HIPK1: variants seen among roughly 807,000 people sequenced by gnomAD.
HIPK1 encodes the protein homeodomain-interacting protein kinase 1.
In HIPK1, 28 loss-of-function variants were observed where a neutral mutation model predicts 117.1. The observed-to-expected ratio is 0.24, with a 90% confidence interval of 0.18 to 0.33. The LOEUF (loss-of-function observed/expected upper bound fraction) is 0.33. HIPK1 is among the 10% of genes least tolerant of loss of function. The pLI is 1.00. For missense variants in HIPK1, 1,122 were observed against 1,475.1 expected (o/e 0.76, Z 3.92); for synonymous variants, 605 against 562.5 (o/e 1.08, Z -1.07).
At chr1:113,943,275 A>C (rs1256237985) in intron 2 of HIPK1, among the ~76,000 whole-genome samples, 1 of 152,222 alleles carries the variant, frequency 6.6e-6, no homozygotes, top group Non-Finnish European at 1.5e-5. Flanking sequence ...ACCATTAAGC[A>C]ATAACTCCCT....
chr1:113,939,088 C>A (rs1670469201), intron 1 of HIPK1, among the ~76,000 whole-genome samples: 1 of 151,898 alleles, frequency 6.6e-6, no homozygotes, highest in South Asian at 2.1e-4. Context: ...TTATTTAATT[C>A]TCAGAACAAC....
chr1:113,944,139 T>A (rs1670825152), intron 2 of HIPK1, among the ~76,000 whole-genome samples: 1 of 151,564 alleles, frequency 6.6e-6, no homozygotes, highest in African/African-American at 2.4e-5. Context: ...CTTGTTTTGT[T>A]TTTTAAATAA....
In HIPK1 at chr1:113,954,735, G is replaced by T; in HGVS notation, c.1285G>T (p.Asp429Tyr). The T allele has an allele frequency of 1.9e-6, 3 of 1,614,068 alleles. No individual in the cohort carries two copies. The highest frequency in any genetic ancestry group is 2.5e-6 in the Non-Finnish European group (3 of 1,179,954). Residue 429 changes from aspartate to tyrosine, a missense_variant, in exon 4 of 16, where the codon GAT (aspartate) becomes TAT (tyrosine). Asp to Tyr is a radical substitution (Grantham distance 160). This residue lies in a region of HIPK1 where 127 missense variants were observed against 197.9 expected (regional missense o/e 0.64). Transcript: ENST00000426820. ...AAAAACAACCAGGTTTTTCAACAGA[G>T]ATCCTAATTTGGGGTACCCACTGTG... The part of the protein sequence containing the change: ...GTKTTRFFNR[D>Y]PNLGYPLWRL...
At chr1:113,964,008 T>G (rs1672295988) in intron 10 of HIPK1, among the ~76,000 whole-genome samples, 1 of 152,226 alleles carries the variant, frequency 6.6e-6, no homozygotes, top group Non-Finnish European at 1.5e-5. Flanking sequence ...TTCTAAAACT[T>G]TTCTGCATGT....
intron 2 of HIPK1, among the ~76,000 whole-genome samples, chr1:113,943,695 A>C (rs1046609511): frequency 6.6e-6 from 1 of 152,214 alleles, no homozygotes; most frequent in African/African-American, 2.4e-5. Flanking sequence ...CTTTTTGCAG[A>C]ATTACCAAAT....
At position 113,929,429 on chromosome 1, in the gene HIPK1, C is replaced by T. The variant is rs1359275370; in HGVS notation, c.-106C>T. The T allele has an allele frequency of 3.9e-6, 5 of 1,289,382 alleles. No homozygotes were observed. The highest frequency in any genetic ancestry group is 4.6e-5 in the Admixed American group (2 of 43,572). 79.9% of individuals were successfully genotyped at this position (1,289,382 alleles called of 1,614,324 possible). ...GTCCAGGCCCCGCACTCGATCCACG[C>T]TGGCTCCCTACGGAGGCCCACCTAC... On this transcript the variant is annotated 5_prime_UTR_variant, in exon 1 of 16. Transcript: ENST00000426820.
At position 113,967,721 on chromosome 1, in the gene HIPK1, C is replaced by G. The variant is rs201505721; in HGVS notation, c.2382-45C>G. ...TGATGTCTGTTTGGTCCTGATTCTTCAGTGGTTTTGGAATTCACTCTTCTC... is the reference window on the plus strand; with the variant it reads ...TGATGTCTGTTTGGTCCTGATTCTTGAGTGGTTTTGGAATTCACTCTTCTC... On this transcript the variant is annotated intron_variant, in intron 11 of 15. Transcript: ENST00000426820. 497 of 1,360,914 alleles carry G rather than the reference C, an allele frequency of 3.7e-4. 4 individuals carry two copies. The African/African-American group carries it at 6.6e-3, about 18-fold the overall frequency. The allele number at this position is 1,360,914 out of a possible 1,614,324, so 84.3% of individuals were successfully genotyped here.
intron 6 of HIPK1, 38 bp from the exon 7 acceptor site, chr1:113,957,086 T>C (rs1321516913): frequency 6.5e-7 from 1 of 1,533,840 alleles, no homozygotes; most frequent in Non-Finnish European, 9.0e-7. Context: ...TGTTTAAATC[T>C]CAGCATTCAT....
At chr1:113,961,399 A>G (rs776806327) in intron 8 of HIPK1, among the ~76,000 whole-genome samples, 1 of 152,242 alleles carries the variant, frequency 6.6e-6, no homozygotes, top group Non-Finnish European at 1.5e-5. Flanking sequence ...GTCTGCTTTT[A>G]AAATATTCTT....
intron 2 of HIPK1, among the ~76,000 whole-genome samples, chr1:113,951,485 T>A (rs1161789858): frequency 6.6e-6 from 1 of 152,248 alleles, no homozygotes; most frequent in African/African-American, 2.4e-5. Context: ...TGTTCGTATA[T>A]ATAAACGTCT....
intron 15 of HIPK1, among the ~76,000 whole-genome samples, chr1:113,972,644 T>C (rs112422457): frequency 5.9e-4 from 90 of 152,282 alleles, no homozygotes; most frequent in Middle Eastern, 3.4e-3. Context: ...TATGAAGAAC[T>C]TAGAGGACGA....
In HIPK1 at chr1:113,970,093, A is replaced by T. The variant is rs775031692; in HGVS notation, c.2909A>T (p.Glu970Val). ...CGAGGCAATAGTGGATCCGTTTTGG[A>T]GGGGCCTGGCAGAGTTGTGGCAGAT... Reference protein sequence around the residue: ...ALRGNSGSVLEGPGRVVADGT... With the variant: ...ALRGNSGSVLVGPGRVVADGT... Residue 970 changes from glutamate to valine, a missense_variant, in exon 14 of 16, where the codon GAG becomes GTG. By Grantham distance (121) the Glu-to-Val change is moderately radical. This residue lies in a region of HIPK1 where 731 missense variants were observed against 860.4 expected (regional missense o/e 0.85). Coordinates refer to ENST00000426820, the MANE Select transcript of HIPK1 (RefSeq NM_198268.3). 1 of 1,614,102 alleles carries T rather than the reference A, an allele frequency of 6.2e-7. No homozygotes were observed. Among genetic ancestry groups the T allele is most frequent in the African/African-American group, 1.3e-5 (1 of 74,994 alleles).
intron 3 of HIPK1, among the ~76,000 whole-genome samples, chr1:113,954,200 CT>C (rs1312060232): frequency 6.6e-6 from 1 of 151,488 alleles, no homozygotes; most frequent in Non-Finnish European, 1.5e-5. Flanking sequence ...CAGGCTCAAG[CT>C]ATCCTCCTAC....
chr1:113,941,343 C>T lies in HIPK1; in HGVS notation c.960C>T (p.Asn320=). Residue 320 remains asparagine, a synonymous_variant, in exon 2 of 16, where the codon AAC becomes AAT. Coordinates refer to ENST00000426820, the MANE Select transcript of HIPK1 (RefSeq NM_198268.3). The surrounding 1 kb of genome is among the most constrained non-coding windows in gnomAD (Gnocchi z 4.9). The part of the protein sequence containing the change: ...GLIHADLKPE[N]IMLVDPVRQP... The stretch of plus-strand genomic sequence containing the variant: ...TCCACGCTGACCTTAAGCCTGAAAA[C>T]ATCATGCTGGTTGATCCAGTTCGCC... The T allele has an allele frequency of 1.9e-6, 3 of 1,614,228 alleles. No individual in the cohort carries two copies. Among genetic ancestry groups the T allele is most frequent in the Non-Finnish European group, 2.5e-6 (3 of 1,180,046 alleles).
In HIPK1 at chr1:113,930,690, G is replaced by C. The variant is rs1232515454; in HGVS notation, c.-3+1158G>C. The C allele has an allele frequency of 2.0e-5, 3 of 152,306 alleles. No homozygotes were observed. The East Asian group carries it at 5.8e-4, about 29-fold the overall frequency. 9.4% of individuals were successfully genotyped at this position (152,306 alleles called of 1,614,324 possible). ...CCTTTTTGTGCTTAGCAACCAAGAC[G>C]TGGAGTTCCGTCTCCAGGAGCGTTG... On this transcript the variant is annotated intron_variant, in intron 1 of 15. Transcript: ENST00000426820.
Position 113,971,921 on chromosome 1 carries a change from G to A in HIPK1, c.3111G>A (p.Gly1037=), listed in dbSNP as rs749443231. Residue 1037 remains glycine (G), a synonymous_variant, in exon 15 of 16, where the codon GGG becomes GGA. Coordinates refer to ENST00000426820, the MANE Select transcript of HIPK1 (RefSeq NM_198268.3). ...TPTGYRAQRG[G]TSAAQPLNLS... ...CAGGGTATCGAGCTCAACGCGGGGG[G>A]ACCAGTGCAGCACAACCACTCAATC... The A allele has an allele frequency of 8.1e-6, 13 of 1,608,934 alleles. No homozygotes were observed. The highest frequency in any genetic ancestry group is 9.3e-6 in the Non-Finnish European group (11 of 1,177,916).
intron 7 of HIPK1, 29 bp downstream of exon 7, chr1:113,957,315 A>G (rs1179154352): frequency 1.3e-5 from 20 of 1,575,546 alleles, no homozygotes; most frequent in Non-Finnish European, 1.7e-5. Context: ...TGGAAACTCA[A>G]GCTTAAGTGG....
chr1:113,941,422 G>A lies in HIPK1; in HGVS notation c.1039G>A (p.Ala347Thr), dbSNP rs1215575559. 1 of 1,614,130 alleles carries A rather than the reference G, an allele frequency of 6.2e-7. No homozygotes were observed. Among genetic ancestry groups the A allele is most frequent in the Non-Finnish European group, 8.5e-7 (1 of 1,179,986 alleles). Residue 347 changes from alanine to threonine, a missense_variant, in exon 2 of 16, where the codon GCT becomes ACT. By Grantham distance (58) the Ala-to-Thr change is moderately conservative. Coordinates refer to ENST00000426820, the MANE Select transcript of HIPK1 (RefSeq NM_198268.3). The surrounding 1 kb of genome is among the most constrained non-coding windows in gnomAD (Gnocchi z 4.9). ...DFGSASHVSKAVCSTYLQSRY... is the reference protein window; with the variant it reads ...DFGSASHVSKTVCSTYLQSRY... ...TGGTTCTGCTAGTCACGTTTCCAAA[G>A]CTGTGTGCTCAACCTACTTACAGTC...
chr1:113,959,134 A>G (rs2101376074), intron 8 of HIPK1, among the ~76,000 whole-genome samples: 1 of 152,312 alleles, frequency 6.6e-6, no homozygotes, highest in East Asian at 1.9e-4. Flanking sequence ...GGTCAGTGTC[A>G]GTACCCTGTG....
Sources: gnomAD v4.1 joint callset for allele counts (sites outside exome capture counted in the v4.1 genomes callset) on GRCh38, gnomAD v4.1.1 for gene constraint, gnomAD v4.1.1 regional missense constraint, Gnocchi (gnomAD v3.1) non-coding constraint, MANE v1.5 for transcripts, NCBI Gene and HGNC (gene_info 2026-07-23, HGNC 2026-07-21) for gene names.